DDX60L: variants seen among roughly 807,000 people sequenced by gnomAD.
DDX60L encodes the protein DExD/H-box 60 like.
In DDX60L, 191 loss-of-function variants were observed where a neutral mutation model predicts 211.6. The observed-to-expected ratio is 0.90, with a 90% CI of 0.80 to 1.02. The LOEUF (loss-of-function observed/expected upper bound fraction) is 1.02. Ranked by LOEUF, DDX60L falls within the 50% of genes least tolerant of loss-of-function variation. The pLI is 0.00. For missense variants in DDX60L, 2,007 were observed against 1,984.1 expected, an observed-to-expected ratio of 1.01 and a Z score of -0.22; for synonymous variants, 706 against 694.1, an observed-to-expected ratio of 1.02 and a Z score of -0.27.
At chr4:168,480,311 G>A (rs1760265276) in intron 1 of DDX60L, 66 bp downstream of exon 1, 1 of 152,290 alleles carries the variant, frequency 6.6e-6, no homozygotes, top group Admixed American at 6.5e-5. Flanking sequence ...AGGAATCCTA[G>A]AACCCCCGCG....
At chr4:168,441,927 C>T (rs564081379) in intron 9 of DDX60L, among the ~76,000 whole-genome samples, 65 of 152,200 alleles carry the variant, frequency 4.3e-4, no homozygotes, top group Non-Finnish European at 8.5e-4. Flanking sequence ...CAATATGCTA[C>T]ATATAAGCTT....
At chr4:168,467,457 A>AAAAAAAG (rs1335482167) in intron 4 of DDX60L, among the ~76,000 whole-genome samples, 1 of 151,616 alleles carries the variant, frequency 6.6e-6, no homozygotes, top group African/African-American at 2.4e-5. Flanking sequence ...AAAAAAAAAA[A>AAAAAAAG]AAAATGAAAG....
chr4:168,450,472 CA>C (rs532304128), intron 8 of DDX60L, among the ~76,000 whole-genome samples: 31,055 of 130,720 alleles, frequency 0.24, 3,496 homozygotes, highest in African/African-American at 0.31. Flanking sequence ...TGGTCTCCCT[CA>C]AAAAAAAAAA....
chr4:168,399,764 C>T (rs1008057310), intron 26 of DDX60L, among the ~76,000 whole-genome samples: 5 of 152,056 alleles, frequency 3.3e-5, no homozygotes, highest in African/African-American at 1.2e-4. Context: ...ATTAATCAGA[C>T]CTTGGGGAGA....
Position 168,441,434 on chromosome 4 carries a change from A to G in DDX60L, c.1197T>C (p.Val399=). 8 of 1,613,220 alleles carry G rather than the reference A, an allele frequency of 5.0e-6. No homozygotes were observed. Among genetic ancestry groups the G allele is most frequent in the Non-Finnish European group, 6.8e-6 (8 of 1,179,564 alleles). ...IRRDYEDLWN[V]VSHLVKEFNV... ...TAAATTCTTTAACCAGGTGTGACAC[A>G]ACATTCCACAGGTCTTCATAATCCC... is the stretch of plus-strand genomic sequence containing the variant. The change falls in exon 10 of 38, where the codon GTT becomes GTC. Residue 399 remains valine (V), a synonymous_variant. Transcript: ENST00000682922.
intron 1 of DDX60L, among the ~76,000 whole-genome samples, chr4:168,479,962 C>A (rs1275876669): frequency 7.9e-6 from 1 of 126,740 alleles, no homozygotes; most frequent in East Asian, 2.5e-4. Flanking sequence ...CCAGCCTGGG[C>A]GACAGAGCGA....
intron 22 of DDX60L, among the ~76,000 whole-genome samples, chr4:168,409,377 T>C (rs1053693772): frequency 2.0e-5 from 3 of 152,202 alleles, no homozygotes; most frequent in Non-Finnish European, 4.4e-5. Context: ...CACAAATGCT[T>C]AAAGGTAACT....
chr4:168,420,764 T>G (rs1036558328), intron 17 of DDX60L, among the ~76,000 whole-genome samples: 2 of 152,128 alleles, frequency 1.3e-5, no homozygotes, highest in Non-Finnish European at 2.9e-5. Context: ...ATTGAATATC[T>G]GGTTCATGAT....
At chr4:168,376,266 T>TTGAGGTA (rs1478040083) in intron 33 of DDX60L, among the ~76,000 whole-genome samples, 2 of 152,174 alleles carry the variant, frequency 1.3e-5, no homozygotes, top group African/African-American at 4.8e-5. Context: ...TTTCCAATAA[T>TTGAGGTA]TGAGGTATTT....
At chr4:168,379,152 T>C (rs918937422) in intron 32 of DDX60L, among the ~76,000 whole-genome samples, 2 of 152,238 alleles carry the variant, frequency 1.3e-5, no homozygotes, top group African/African-American at 2.4e-5. Context: ...TTAAGTAATA[T>C]ATAAGTAGCC....
In DDX60L at chr4:168,472,740, G is replaced by A. The variant is rs1046993093; in HGVS notation, c.-41C>T. 6.2e-7 allele frequency: 1 copy of A among 1,606,632 alleles called. No homozygotes were observed. The highest frequency in any genetic ancestry group is 1.3e-5 in the African/African-American group (1 of 74,624). On this transcript the variant is annotated 5_prime_UTR_variant, in exon 2 of 38. Transcript: ENST00000682922. ...GGCTACAGGGTAGAAGAGTAGAGCTGGAATTTATTAAATATGGCTGATTTA... is the reference window on the plus strand; with the variant it reads ...GGCTACAGGGTAGAAGAGTAGAGCTAGAATTTATTAAATATGGCTGATTTA...
intron 9 of DDX60L, among the ~76,000 whole-genome samples, chr4:168,448,027 A>AT (rs1364252601): frequency 6.6e-6 from 1 of 151,886 alleles, no homozygotes; most frequent in Non-Finnish European, 1.5e-5. Flanking sequence ...TTAAAGTATA[A>AT]TAAAAAAAAA....
At chr4:168,428,650 G>A (rs1751849077) in intron 13 of DDX60L, among the ~76,000 whole-genome samples, 1 of 152,138 alleles carries the variant, frequency 6.6e-6, no homozygotes, top group Non-Finnish European at 1.5e-5. Context: ...GTTGACCTCA[G>A]GAAGGGGATT....
chr4:168,449,652 C>CAAAAAAAAAAAAAAAA lies in DDX60L; in HGVS notation c.997-874_997-873insTTTTTTTTTTTTTTTT. 3.4e-3 allele frequency among the ~76,000 whole-genome samples: 27 copies of CAAAAAAAAAAAAAAAA among 7,914 alleles called. 1 individual carries two copies. The highest frequency in any genetic ancestry group is 8.5e-3 in the Admixed American group (5 of 588). The allele number at this position is 7,914 out of a possible 152,430, so 5.2% of individuals were successfully genotyped here. A position where few individuals can be genotyped will look rare whatever the true frequency, so the allele number is the denominator to read the frequency against. On this transcript the variant is annotated intron_variant, in intron 8 of 37. Coordinates refer to ENST00000682922, the MANE Select transcript of DDX60L (RefSeq NM_001012967.3). ...AACATTAAAACAAAAAAAAAAAATG[C>CAAAAAAAAAAAAAAAA]AAAAAAAAAAAAAGAAAAAAGAAAA... is the stretch of plus-strand genomic sequence containing the variant.
intron 30 of DDX60L, chr4:168,380,947 T>C (rs934962558): frequency 1.3e-5 from 2 of 152,348 alleles, no homozygotes; most frequent in South Asian, 2.1e-4. Context: ...GTTAGCTGCA[T>C]TGTGCTCCTG....
At chr4:168,460,813 T>C (rs1757228010) in intron 5 of DDX60L, among the ~76,000 whole-genome samples, 1 of 152,192 alleles carries the variant, frequency 6.6e-6, no homozygotes, top group African/African-American at 2.4e-5. Context: ...GGGCTTCACA[T>C]GCTGACAGAC....
intron 29 of DDX60L, among the ~76,000 whole-genome samples, chr4:168,387,455 T>C (rs72695135): frequency 0.068 from 10,304 of 152,332 alleles, 473 homozygotes; most frequent in Middle Eastern, 0.12. Context: ...GGCTGAGAAC[T>C]TTCCCTATTT....
At position 168,384,788 on chromosome 4, in the gene DDX60L, C is replaced by T. The variant is rs758147358; in HGVS notation, c.3940G>A (p.Gly1314Ser). 6.2e-7 allele frequency: 1 copy of T among 1,613,342 alleles called. No homozygotes were observed. Among genetic ancestry groups the T allele is most frequent in the Middle Eastern group, 1.7e-4 (1 of 6,058 alleles). The change falls in exon 30 of 38, where the codon GGT (glycine) becomes AGT (serine). Residue 1314 changes from glycine to serine, a missense_variant. Physicochemically the swap from Gly to Ser is moderately conservative, Grantham distance 56. Transcript: ENST00000682922. ...RQMSGRAGRR[G>S]QDLLGNVYFF... ...TACACATTTCCAAGCAGGTCTTGAC[C>T]TCTTCTTCCAGCACGACCAGACATC... is the stretch of plus-strand genomic sequence containing the variant.
intron 1 of DDX60L, among the ~76,000 whole-genome samples, chr4:168,477,846 T>G (rs1759795854): frequency 1.3e-5 from 2 of 152,246 alleles, no homozygotes; most frequent in Admixed American, 1.3e-4. Flanking sequence ...AGTGTTTTAG[T>G]TGCTGTTTTT....
Sources: allele counts gnomAD v4.1 joint callset (sites outside exome capture counted in the v4.1 genomes callset), GRCh38; gene constraint gnomAD v4.1.1; transcripts MANE v1.5; gene names NCBI Gene and HGNC (gene_info 2026-07-23, HGNC 2026-07-21).